The following ACOX2 variants were observed in gnomAD, a reference collection of about 807,000 sequenced individuals.
The protein encoded by ACOX2 is peroxisomal acyl-coenzyme A oxidase 2.
ACOX2 carries 59 observed loss-of-function variants against 77.5 expected under a neutral mutation model. The ratio of observed to expected loss-of-function variants is 0.76; its 90% CI spans 0.62 to 0.95. The LOEUF is 0.95. Ranked by LOEUF, ACOX2 falls within the 40% of genes least tolerant of loss-of-function variation. The pLI is 0.00. For missense variants in ACOX2, 837 were observed against 880.4 expected (o/e 0.95, Z 0.62); for synonymous variants, 317 against 340.1 (o/e 0.93, Z 0.75).
At chr3:58,511,513 A>G (rs1423427320) in intron 13 of ACOX2, 2 of 196,146 alleles carry the variant, frequency 1.0e-5, no homozygotes, top group Non-Finnish European at 2.1e-5. Context: ...TCAAGGATCA[A>G]GTCTTTTGCA....
At position 58,531,034 on chromosome 3, in the gene ACOX2, C is replaced by T. The variant is rs4074341; in HGVS notation, c.819+217G>A. On this transcript the variant is annotated intron_variant, in intron 7 of 14. Transcript: ENST00000302819. This position sits in a 1 kb window ranked among gnomAD's most constrained non-coding sequence, Gnocchi z 5.8. ...ACGATTGCTCTGTCAGCCTATGTGACGAGCATTTCTGCATGAGAGGTCTGA... is the reference window on the plus strand; with the variant it reads ...ACGATTGCTCTGTCAGCCTATGTGATGAGCATTTCTGCATGAGAGGTCTGA... 3.1e-3 allele frequency among the ~76,000 whole-genome samples: 476 copies of T among 152,300 alleles called. 3 individuals carry two copies. The highest frequency in any genetic ancestry group is 0.011 in the African/African-American group (453 of 41,568).
chr3:58,530,457 A>G lies in ACOX2; in HGVS notation c.992+9T>C, dbSNP rs2063429265. On this transcript the variant is annotated intron_variant, in intron 8 of 14. Transcript: ENST00000302819. Reference sequence around the variant, plus strand: ...TATCTGCGGTAGTCAGTCACTGGGCACCCCTTGCCTGGGCCGGAGCCGGGA... The same window carrying G: ...TATCTGCGGTAGTCAGTCACTGGGCGCCCCTTGCCTGGGCCGGAGCCGGGA... 6.2e-7 allele frequency: 1 copy of G among 1,612,828 alleles called. No individual in the cohort carries two copies.
Position 58,530,573 on chromosome 3 carries a change from C to A in ACOX2, c.885G>T (p.Val295=). ...TAQSNYLPMV[V]VRVELLSGEI... The stretch of plus-strand genomic sequence containing the variant: ...CCCCTGACAGCAGCTCCACCCGCAC[C>A]ACCACCATGGGAAGGTAGTTGCTCT... Residue 295 remains valine (V), a synonymous_variant, in exon 8 of 15, where the codon GTG becomes GTT. Coordinates refer to ENST00000302819, the MANE Select transcript of ACOX2 (RefSeq NM_003500.4). 1.2e-6 allele frequency: 2 copies of A among 1,614,258 alleles called. No homozygotes were observed. Among genetic ancestry groups the A allele is most frequent in the Non-Finnish European group, 1.7e-6 (2 of 1,180,046 alleles).
At chr3:58,506,906 G>A (rs891640284) in intron 14 of ACOX2, among the ~76,000 whole-genome samples, 7 of 152,176 alleles carry the variant, frequency 4.6e-5, no homozygotes, top group Non-Finnish European at 1.0e-4. Flanking sequence ...TATATCTTAA[G>A]AGTAGGGTTA....
chr3:58,534,219 T>A lies in ACOX2; in HGVS notation c.324-74A>T. ...CCAGGTACCCCCTGCCTGAGCAGAG[T>A]ACAGGAGATAAAGGGCACCTAGCAT... is the stretch of plus-strand genomic sequence containing the variant. On this transcript the variant is annotated intron_variant, in intron 3 of 14. Transcript: ENST00000302819. The surrounding 1 kb of genome is among the most constrained non-coding windows in gnomAD (Gnocchi z 4.8). 6.3e-7 allele frequency: 1 copy of A among 1,591,744 alleles called. No homozygotes were observed. The highest frequency in any genetic ancestry group is 8.5e-7 in the Non-Finnish European group (1 of 1,170,430).
At chr3:58,509,528 AAAATAAAT>A (rs377185878) in intron 13 of ACOX2, among the ~76,000 whole-genome samples, 3 of 151,462 alleles carry the variant, frequency 2.0e-5, no homozygotes, top group Admixed American at 1.3e-4. Context: ...CTCCTGTCCC[AAAATAAAT>A]AAATAAATAA....
In ACOX2 at chr3:58,526,724, C is replaced by A; in HGVS notation, c.1156-68G>T. On this transcript the variant is annotated intron_variant, in intron 9 of 14. Transcript: ENST00000302819. The surrounding 1 kb of genome is among the most constrained non-coding windows in gnomAD (Gnocchi z 4.3). ...CCACCATAGGGACCAACCCTGTGCA[C>A]CACTTACTGAGCATCTACTCATGCC... 1.3e-6 allele frequency: 2 copies of A among 1,516,692 alleles called. No individual in the cohort carries two copies. The highest frequency in any genetic ancestry group is 3.6e-5 in the Admixed American group (2 of 54,884). The allele number at this position is 1,516,692 out of a possible 1,614,324, so 94.0% of individuals were successfully genotyped here.
chr3:58,510,879 G>C, intron 13 of ACOX2: 2 of 430,870 alleles, frequency 4.6e-6, no homozygotes, highest in South Asian at 1.7e-5. Context: ...TGTAATAAGG[G>C]CTCAAGTGGG....
chr3:58,534,280 A>G lies in ACOX2; in HGVS notation c.323+80T>C, dbSNP rs1388978992. On this transcript the variant is annotated intron_variant, in intron 3 of 14. Coordinates refer to ENST00000302819, the MANE Select transcript of ACOX2 (RefSeq NM_003500.4). This position sits in a 1 kb window ranked among gnomAD's most constrained non-coding sequence, Gnocchi z 4.8. ...CAACAAGTCTTCCCTTTGTTGGGGGAAATGGCTCATGGGGCTAGGGGGTTT... is the reference window on the plus strand; with the variant it reads ...CAACAAGTCTTCCCTTTGTTGGGGGGAATGGCTCATGGGGCTAGGGGGTTT... 1 of 1,583,142 alleles carries G rather than the reference A, an allele frequency of 6.3e-7. No homozygotes were observed. The highest frequency in any genetic ancestry group is 1.4e-5 in the African/African-American group (1 of 73,736).
chr3:58,532,360 T>C (rs775020240), intron 5 of ACOX2, among the ~76,000 whole-genome samples: 1 of 152,070 alleles, frequency 6.6e-6, no homozygotes, highest in African/African-American at 2.4e-5. Flanking sequence ...CATCTCTCTC[T>C]CTCTTTTTTT....
At chr3:58,527,586 A>G (rs1291862110) in intron 9 of ACOX2, among the ~76,000 whole-genome samples, 2 of 151,326 alleles carry the variant, frequency 1.3e-5, no homozygotes, top group African/African-American at 4.9e-5. Context: ...TTGAGGACAC[A>G]GCAAAAAGCC....
rs1016061901 is a variant in ACOX2 at position 58,524,726 on chromosome 3, G to A, written c.1347-121C>T. 8 of 1,142,216 alleles carry A rather than the reference G, an allele frequency of 7.0e-6. No individual in the cohort carries two copies. Among genetic ancestry groups the A allele is most frequent in the Non-Finnish European group, 8.6e-6 (7 of 816,528 alleles). 70.8% of individuals were successfully genotyped at this position (1,142,216 alleles called of 1,614,324 possible). A position where few individuals can be genotyped will look rare whatever the true frequency, so the allele number is the denominator to read the frequency against. On this transcript the variant is annotated intron_variant, in intron 10 of 14. Transcript: ENST00000302819. The surrounding 1 kb of genome is among the most constrained non-coding windows in gnomAD (Gnocchi z 5.5). ...TCCAGCCTTCCCGTGGGAGAGCCAGGTCACCAGGCCTCTGCCTGGCCTCCC... is the reference window on the plus strand; with the variant it reads ...TCCAGCCTTCCCGTGGGAGAGCCAGATCACCAGGCCTCTGCCTGGCCTCCC...
intron 9 of ACOX2, among the ~76,000 whole-genome samples, chr3:58,527,202 G>A (rs2063401713): frequency 6.6e-6 from 1 of 152,126 alleles, no homozygotes; most frequent in South Asian, 2.1e-4. Flanking sequence ...ATTAAGTCAT[G>A]AGGGTGGAGG....
chr3:58,515,156 G>T lies in ACOX2; in HGVS notation c.1850+2050C>A, dbSNP rs1400864341. 6.6e-6 allele frequency among the ~76,000 whole-genome samples: 1 copy of T among 152,120 alleles called. No individual in the cohort carries two copies. Among genetic ancestry groups the T allele is most frequent in the East Asian group, 1.9e-4 (1 of 5,194 alleles). ...CTGCCTCAGCCTCCCAAGTAACTGG[G>T]ATTACAGGCATGTGCCATCACACCC... On this transcript the variant is annotated intron_variant, in intron 13 of 14. Transcript: ENST00000302819. This position sits in a 1 kb window ranked among gnomAD's most constrained non-coding sequence, Gnocchi z 4.0.
chr3:58,535,185 C>T lies in ACOX2; in HGVS notation c.-79G>A, dbSNP rs1200013569. The T allele has an allele frequency of 1.3e-6, 2 of 1,577,046 alleles. No individual in the cohort carries two copies. The highest frequency in any genetic ancestry group is 1.1e-5 in the South Asian group (1 of 88,608). On this transcript the variant is annotated 5_prime_UTR_variant, in exon 2 of 15. Coordinates refer to ENST00000302819, the MANE Select transcript of ACOX2 (RefSeq NM_003500.4). The surrounding 1 kb of genome is among the most constrained non-coding windows in gnomAD (Gnocchi z 4.8). ...CCGAGGGTCTGCTCTCAGCATTGGT[C>T]AGTGCAAAGAACCTGTGTGCAAGAG...
In ACOX2 at chr3:58,517,193, C is replaced by A. The variant is rs2107994066; in HGVS notation, c.1850+13G>T. ...TCTGAAGACTAACATGGTTTGAAGT[C>A]TCTGCCACTCACCGGATCAGGCGGA... On this transcript the variant is annotated intron_variant, in intron 13 of 14. Transcript: ENST00000302819. 1 of 1,612,664 alleles carries A rather than the reference C, an allele frequency of 6.2e-7. No individual in the cohort carries two copies. The highest frequency in any genetic ancestry group is 8.5e-7 in the Non-Finnish European group (1 of 1,179,538).
chr3:58,528,644 G>T lies in ACOX2; in HGVS notation c.1155+150C>A, dbSNP rs528529756. 2.0e-6 allele frequency: 2 copies of T among 979,950 alleles called. No homozygotes were observed. The highest frequency in any genetic ancestry group is 2.8e-6 in the Non-Finnish European group (2 of 706,486). 60.7% of individuals were successfully genotyped at this position (979,950 alleles called of 1,614,324 possible). On this transcript the variant is annotated intron_variant, in intron 9 of 14. Coordinates refer to ENST00000302819, the MANE Select transcript of ACOX2 (RefSeq NM_003500.4). The surrounding 1 kb of genome is among the most constrained non-coding windows in gnomAD (Gnocchi z 5.6). ...GGGTAAATTTATATACCAGGGTGCCGTTCACCCAGACGCCCTGGGATGCTG... is the reference window on the plus strand; with the variant it reads ...GGGTAAATTTATATACCAGGGTGCCTTTCACCCAGACGCCCTGGGATGCTG...
chr3:58,509,902 G>A (rs1370579102), intron 13 of ACOX2, among the ~76,000 whole-genome samples: 1 of 152,010 alleles, frequency 6.6e-6, no homozygotes, highest in Admixed American at 6.6e-5. Context: ...CACCATGCCC[G>A]GCTGGCAATT....
At position 58,531,512 on chromosome 3, in the gene ACOX2, A is replaced by G; in HGVS notation, c.704-146T>C. ...GCAGGTGAACAAGCTGAGGTCAGAA[A>G]GATGCTAAATCTTGCTCAAGTTCAC... On this transcript the variant is annotated intron_variant, in intron 6 of 14. Transcript: ENST00000302819. The surrounding 1 kb of genome is among the most constrained non-coding windows in gnomAD (Gnocchi z 5.8). 1 of 1,238,016 alleles carries G rather than the reference A, an allele frequency of 8.1e-7. No homozygotes were observed. Among genetic ancestry groups the G allele is most frequent in the Admixed American group, 2.3e-5 (1 of 43,264 alleles). 76.7% of individuals were successfully genotyped at this position (1,238,016 alleles called of 1,614,324 possible).
Sources: allele counts gnomAD v4.1 joint callset (sites outside exome capture counted in the v4.1 genomes callset), GRCh38; gene constraint gnomAD v4.1.1; non-coding constraint Gnocchi (gnomAD v3.1); transcripts MANE v1.5; gene names NCBI Gene and HGNC (gene_info 2026-07-23, HGNC 2026-07-21).